Variants in CCPG1 observed in about 807,000 individuals in gnomAD.
The protein encoded by CCPG1 is cell cycle progression 1.
In CCPG1, 46 loss-of-function variants were observed where a neutral mutation model predicts 81.3. That is an observed-to-expected ratio of 0.57 (90% CI 0.45 to 0.72). The LOEUF (loss-of-function observed/expected upper bound fraction) is 0.72, where lower values mean the gene tolerates loss of function less well. CCPG1 is among the 30% of genes least tolerant of loss of function. The pLI is 0.00. For missense variants in CCPG1, 902 were observed against 937.6 expected (o/e 0.96, Z 0.50); for synonymous variants, 330 against 305.2 (o/e 1.08, Z -0.85).
In CCPG1 at chr15:55,359,890, G is replaced by T. The variant is rs1007574020; in HGVS notation, c.1883C>A (p.Ala628Asp). ...CRENSHSFRK[A>D]CSGVFDCAQQ... The stretch of plus-strand genomic sequence containing the variant: ...AGCACAATCAAATACACCAGAACAA[G>T]CCTTTCTGAAAGAATGAGAATTTTC... Residue 628 changes from alanine (A) to aspartate (D), a missense_variant, in exon 8 of 9, where the codon GCT becomes GAT. By Grantham distance (126) the Ala-to-Asp change is moderately radical. This residue lies in a region of CCPG1 where 746 missense variants were observed against 728.6 expected (regional missense o/e 1.02). Transcript: ENST00000442196. 6.2e-7 allele frequency: 1 copy of T among 1,613,724 alleles called. No individual in the cohort carries two copies. Among genetic ancestry groups the T allele is most frequent in the Admixed American group, 1.7e-5 (1 of 60,018 alleles).
chr15:55,359,320 G>A, intron 8 of CCPG1: 3 of 1,231,702 alleles, frequency 2.4e-6, no homozygotes, highest in Non-Finnish European at 3.0e-6. Context: ...TAAACCATTT[G>A]CTCAAGTCAA....
At chr15:55,395,178 T>C (rs1383976045) in intron 1 of CCPG1, among the ~76,000 whole-genome samples, 1 of 152,082 alleles carries the variant, frequency 6.6e-6, no homozygotes, top group Non-Finnish European at 1.5e-5. Flanking sequence ...GAGAAAAAGA[T>C]TTCCCGCTGG....
intron 1 of CCPG1, among the ~76,000 whole-genome samples, chr15:55,405,808 A>T (rs1390748301): frequency 6.6e-6 from 1 of 152,204 alleles, no homozygotes; most frequent in African/African-American, 2.4e-5. Flanking sequence ...ATTTACACTT[A>T]AATTCATATA....
chr15:55,405,744 C>G (rs950484039), intron 1 of CCPG1, among the ~76,000 whole-genome samples: 32 of 144,324 alleles, frequency 2.2e-4, no homozygotes, highest in African/African-American at 8.9e-4. Flanking sequence ...ATTGTCGGAT[C>G]TGTTATTTTC....
At chr15:55,395,013 T>C (rs1406194463) in intron 1 of CCPG1, among the ~76,000 whole-genome samples, 3 of 152,118 alleles carry the variant, frequency 2.0e-5, no homozygotes, top group Non-Finnish European at 4.4e-5. Context: ...GAGACTGAGA[T>C]GGATTTGAGA....
At chr15:55,386,926 G>C (rs746207893) in intron 2 of CCPG1, among the ~76,000 whole-genome samples, 2 of 151,772 alleles carry the variant, frequency 1.3e-5, no homozygotes, top group Non-Finnish European at 2.9e-5. Context: ...AAAAAGTAGC[G>C]TTTAAGTTGA....
chr15:55,364,596 C>T (rs1290462811), intron 7 of CCPG1, among the ~76,000 whole-genome samples: 1 of 150,848 alleles, frequency 6.6e-6, no homozygotes, highest in Non-Finnish European at 1.5e-5. Flanking sequence ...AGGCCATGGC[C>T]GAGCATGGTG....
chr15:55,371,766 A>C, intron 6 of CCPG1, 27 bp downstream of exon 6: 1 of 1,606,314 alleles, frequency 6.2e-7, no homozygotes, highest in South Asian at 1.1e-5. Flanking sequence ...CCATCAGGTT[A>C]TGTATAACAC....
chr15:55,400,368 C>T (rs2057105979), intron 1 of CCPG1, among the ~76,000 whole-genome samples: 1 of 151,724 alleles, frequency 6.6e-6, no homozygotes. Flanking sequence ...ATTAGCCAGG[C>T]ATGATGGTGC....
chr15:55,401,415 C>T (rs7173562), intron 1 of CCPG1, among the ~76,000 whole-genome samples: 1 of 152,050 alleles, frequency 6.6e-6, no homozygotes, highest in East Asian at 1.9e-4. Context: ...GCCTATAATC[C>T]CAGCATTTTG....
chr15:55,380,648 T>C (rs560638231), intron 3 of CCPG1, among the ~76,000 whole-genome samples: 105 of 151,756 alleles, frequency 6.9e-4, no homozygotes, highest in Non-Finnish European at 1.3e-3. Flanking sequence ...GAAAAAAAAA[T>C]ATTTTTCAGC....
chr15:55,364,436 A>T (rs1002296281), intron 7 of CCPG1, among the ~76,000 whole-genome samples: 1 of 150,864 alleles, frequency 6.6e-6, no homozygotes, highest in African/African-American at 2.4e-5. Context: ...CTGTGAAAAT[A>T]ATGTTAATAA....
intron 6 of CCPG1, among the ~76,000 whole-genome samples, chr15:55,366,868 T>C (rs1321723545): frequency 6.6e-6 from 1 of 152,112 alleles, no homozygotes; most frequent in African/African-American, 2.4e-5. Context: ...ATGCGTCATG[T>C]ATGGGGGGAA....
intron 1 of CCPG1, 111 bp downstream of exon 1, chr15:55,408,110 C>G (rs2057274028): frequency 6.6e-6 from 1 of 152,632 alleles, no homozygotes; most frequent in Non-Finnish European, 1.5e-5. Flanking sequence ...CAGCCCCAGC[C>G]TAGGAGGCGG....
intron 2 of CCPG1, among the ~76,000 whole-genome samples, chr15:55,386,769 C>T (rs1461027094): frequency 1.3e-5 from 2 of 151,366 alleles, no homozygotes; most frequent in East Asian, 1.9e-4. Flanking sequence ...TGGTGGCGGG[C>T]GCCTGTAGTC....
chr15:55,359,567 G>T lies in CCPG1; in HGVS notation c.2206C>A (p.His736Asn). ...GGTCCATATGGAGGGGAAAAAGTGT[G>T]ACCAAAGAAGTGTCTATATATATAT... ...DEYIYRHFFG[H>N]TFSPPYGPSR... is the part of the protein sequence containing the mutation. The change falls in exon 8 of 9, where the codon CAC (histidine) becomes AAC (asparagine). Residue 736 changes from histidine (H) to asparagine (N), a missense_variant. Physicochemically the swap from His to Asn is moderately conservative, Grantham distance 68. Around this residue, in one of 3 missense-constraint regions of CCPG1, gnomAD observed 128 missense variants for 161.2 expected, o/e 0.79. Coordinates refer to ENST00000442196, the MANE Select transcript of CCPG1 (RefSeq NM_001204450.2). 1.2e-6 allele frequency: 2 copies of T among 1,610,576 alleles called. No individual in the cohort carries two copies. Among genetic ancestry groups the T allele is most frequent in the South Asian group, 2.2e-5 (2 of 90,262 alleles).
intron 6 of CCPG1, 99 bp from the exon 7 acceptor site, chr15:55,365,408 G>C (rs2056301562): frequency 3.2e-6 from 2 of 620,276 alleles, no homozygotes; most frequent in Non-Finnish European, 5.4e-6. Flanking sequence ...AAGCTATGTA[G>C]TCTTTTTTTT....
intron 1 of CCPG1, among the ~76,000 whole-genome samples, chr15:55,407,655 G>A (rs1036840376): frequency 6.6e-6 from 1 of 152,220 alleles, no homozygotes; most frequent in African/African-American, 2.4e-5. Flanking sequence ...GGAGACCAAA[G>A]CTAAAGGAGG....
chr15:55,389,082 A>AAAAAAAAAAAAAAAAAAAC, intron 2 of CCPG1, among the ~76,000 whole-genome samples: 1 of 150,148 alleles, frequency 6.7e-6, no homozygotes. Context: ...AAAAAAAAAA[A>AAAAAAAAAAAAAAAAAAAC]AAAAAAAGAC....
Sources: gnomAD v4.1 joint callset for allele counts (sites outside exome capture counted in the v4.1 genomes callset) on GRCh38, gnomAD v4.1.1 for gene constraint, gnomAD v4.1.1 regional missense constraint, MANE v1.5 for transcripts, NCBI Gene and HGNC (gene_info 2026-07-23, HGNC 2026-07-21) for gene names.